Variants in ATG3 observed in about 807,000 individuals in gnomAD.
The protein encoded by ATG3 is ubiquitin-like-conjugating enzyme ATG3.
In ATG3, 25 loss-of-function variants were observed where a neutral mutation model predicts 50.7. The observed-to-expected ratio is 0.49, with a 90% CI of 0.36 to 0.69. The LOEUF is 0.69. ATG3 is among the 30% of genes least tolerant of loss of function. The pLI, the probability that ATG3 is intolerant of heterozygous loss-of-function variation, is 0.00. For missense variants in ATG3, 281 were observed against 376.0 expected (o/e 0.75, Z 2.09); for synonymous variants, 119 against 125.5 (o/e 0.95, Z 0.34).
intron 2 of ATG3, among the ~76,000 whole-genome samples, chr3:112,556,546 C>CG (rs1416949283): frequency 6.6e-6 from 1 of 152,068 alleles, no homozygotes; most frequent in Non-Finnish European, 1.5e-5. Context: ...TCATTGAGAA[C>CG]GGGCCATGAT....
chr3:112,561,533 G>A lies in ATG3; in HGVS notation c.-5C>T. 1.9e-6 allele frequency: 3 copies of A among 1,608,564 alleles called. No homozygotes were observed. The highest frequency in any genetic ancestry group is 2.5e-6 in the Non-Finnish European group (3 of 1,179,270). On this transcript the variant is annotated 5_prime_UTR_variant, in exon 1 of 12. Coordinates refer to ENST00000283290, the MANE Select transcript of ATG3 (RefSeq NM_022488.5). ...AGTATTAATCACATTCTGCATCCTG[G>A]GGCCGGAGTAGCGGCCGGCCCCGCG...
chr3:112,534,175 A>G, intron 11 of ATG3, 94 bp downstream of exon 11: 2 of 1,526,938 alleles, frequency 1.3e-6, no homozygotes, highest in South Asian at 1.3e-5. Flanking sequence ...AAAACAAGTT[A>G]TAGCTACTGT....
intron 7 of ATG3, among the ~76,000 whole-genome samples, chr3:112,539,500 T>C (rs1576715589): frequency 1.3e-5 from 2 of 152,366 alleles, no homozygotes; most frequent in African/African-American, 4.8e-5. Context: ...TAGGTTTTTC[T>C]TGACCAATTT....
chr3:112,548,266 C>T (rs932350890), intron 5 of ATG3, among the ~76,000 whole-genome samples: 1 of 152,092 alleles, frequency 6.6e-6, no homozygotes, highest in Non-Finnish European at 1.5e-5. Flanking sequence ...GCAGGAGAAT[C>T]GCTTGAACCC....
chr3:112,539,798 A>G (rs1164715934), intron 7 of ATG3, among the ~76,000 whole-genome samples: 1 of 152,226 alleles, frequency 6.6e-6, no homozygotes. Flanking sequence ...TTACATATAT[A>G]GCAATTCTTT....
At chr3:112,533,431 T>C (rs1231377893) in intron 11 of ATG3, 1 of 985,002 alleles carries the variant, frequency 1.0e-6, no homozygotes, top group African/African-American at 1.7e-5. Flanking sequence ...ACTTCAGGAG[T>C]AAATATGGTT....
chr3:112,538,198 CAA>C lies in ATG3; in HGVS notation c.476-20_476-19del, dbSNP rs775619749. On this transcript the variant is annotated intron_variant, in intron 7 of 11. Coordinates refer to ENST00000283290, the MANE Select transcript of ATG3 (RefSeq NM_022488.5). ...TTCATATTCTGTTATAAAAAAACAA[CAA>C]AAGATTAATCAAGTTCAAGTTCAAG... 6.0e-5 allele frequency: 94 copies of C among 1,556,748 alleles called. No homozygotes were observed. In the Admixed American group the frequency reaches 8.8e-4, roughly 15 times the overall value.
chr3:112,551,663 A>C (rs1576725016), intron 3 of ATG3, among the ~76,000 whole-genome samples: 1 of 132,592 alleles, frequency 7.5e-6, no homozygotes, highest in African/African-American at 2.9e-5. Context: ...ATCTCAATGA[A>C]GAAAATGCTT....
At chr3:112,543,027 CA>C (rs1347700746) in intron 6 of ATG3, among the ~76,000 whole-genome samples, 1 of 151,630 alleles carries the variant, frequency 6.6e-6, no homozygotes, top group East Asian at 1.9e-4. Flanking sequence ...AATCTTAAAG[CA>C]TAAAACTGTA....
intron 1 of ATG3, among the ~76,000 whole-genome samples, chr3:112,560,010 C>G (rs979356916): frequency 1.3e-5 from 2 of 152,194 alleles, no homozygotes; most frequent in African/African-American, 2.4e-5. Context: ...AGGAGACGGT[C>G]ATTCATTCTT....
intron 8 of ATG3, 127 bp downstream of exon 8, chr3:112,538,019 G>T: frequency 8.3e-7 from 1 of 1,211,908 alleles, no homozygotes; most frequent in Non-Finnish European, 1.2e-6. Flanking sequence ...TCAAAGCTAC[G>T]TTTTATATGC....
chr3:112,558,241 A>G (rs764543988), intron 2 of ATG3, 135 bp downstream of exon 2: 31 of 634,070 alleles, frequency 4.9e-5, no homozygotes, highest in Non-Finnish European at 7.9e-5. Context: ...AGAAATTCCC[A>G]TAAATCACAG....
At chr3:112,541,667 T>G (rs1933231423) in intron 7 of ATG3, 136 bp downstream of exon 7, 1 of 686,630 alleles carries the variant, frequency 1.5e-6, no homozygotes, top group African/African-American at 1.8e-5. Context: ...ATTTATGAAC[T>G]AAACATATAT....
Position 112,544,052 on chromosome 3 carries a change from A to T in ATG3, c.393+5T>A. 1 of 1,579,312 alleles carries T rather than the reference A, an allele frequency of 6.3e-7. No homozygotes were observed. Among genetic ancestry groups the T allele is most frequent in the Non-Finnish European group, 8.7e-7 (1 of 1,149,374 alleles). On this transcript the variant is annotated splice_donor_5th_base_variant and intron_variant, in intron 6 of 11. Coordinates refer to ENST00000283290, the MANE Select transcript of ATG3 (RefSeq NM_022488.5). The stretch of plus-strand genomic sequence containing the variant: ...AATTTAAAAATATAACTAATTAACC[A>T]GTACCTTATTTTCCAGTGTGATCTC...
chr3:112,533,084 G>A (rs2082567740), intron 11 of ATG3: 1 of 1,016,868 alleles, frequency 9.8e-7, no homozygotes, highest in African/African-American at 1.7e-5. Context: ...AGTACAAAAT[G>A]TACTCATTTA....
intron 1 of ATG3, 83 bp downstream of exon 1, chr3:112,561,374 G>T: frequency 7.0e-7 from 1 of 1,433,326 alleles, no homozygotes. Context: ...CCCCGCCGGA[G>T]AAAGCGGGGA....
At chr3:112,557,545 G>A (rs189958798) in intron 2 of ATG3, among the ~76,000 whole-genome samples, 81 of 152,240 alleles carry the variant, frequency 5.3e-4, no homozygotes, top group African/African-American at 1.9e-3. Context: ...TTGAACCCAG[G>A]AGGCAGAGGC....
intron 5 of ATG3, among the ~76,000 whole-genome samples, chr3:112,544,756 G>T (rs971522536): frequency 2.6e-5 from 4 of 151,044 alleles, no homozygotes; most frequent in African/African-American, 9.7e-5. Flanking sequence ...AAAGCTATTA[G>T]TTATCTTAAT....
At position 112,561,529 on chromosome 3, in the gene ATG3, C is replaced by G; in HGVS notation, c.-1G>C. On this transcript the variant is annotated 5_prime_UTR_variant, in exon 1 of 12. Coordinates refer to ENST00000283290, the MANE Select transcript of ATG3 (RefSeq NM_022488.5). ...TCACAGTATTAATCACATTCTGCAT[C>G]CTGGGGCCGGAGTAGCGGCCGGCCC... is the stretch of plus-strand genomic sequence containing the variant. 6.2e-7 allele frequency: 1 copy of G among 1,609,294 alleles called. No homozygotes were observed. Among genetic ancestry groups the G allele is most frequent in the South Asian group, 1.1e-5 (1 of 90,772 alleles).
Sources: gnomAD v4.1 joint callset for allele counts (sites outside exome capture counted in the v4.1 genomes callset) on GRCh38, gnomAD v4.1.1 for gene constraint, MANE v1.5 for transcripts, NCBI Gene and HGNC (gene_info 2026-07-23, HGNC 2026-07-21) for gene names.